Variants in FANK1 observed in about 807,000 individuals in gnomAD.
FANK1 encodes fibronectin type III and ankyrin repeat domains 1.
In FANK1, 44 loss-of-function variants were observed where a neutral mutation model predicts 45.3. The observed-to-expected ratio is 0.97, with a 90% CI of 0.76 to 1.25. The LOEUF is 1.25. FANK1 is among the 50% of genes most tolerant of loss of function. The pLI is 0.00. For missense variants in FANK1, 391 were observed against 424.4 expected, an observed-to-expected ratio of 0.92 and a Z score of 0.69; for synonymous variants, 149 against 152.5, an observed-to-expected ratio of 0.98 and a Z score of 0.17.
intron 3 of FANK1, chr10:125,989,510 T>A: frequency 1.2e-6 from 1 of 805,044 alleles, no homozygotes; most frequent in Non-Finnish European, 2.1e-6. Flanking sequence ...AAGTTTTGTG[T>A]AGACTAAAGT....
rs1354805410 is a variant in FANK1 at position 125,983,528 on chromosome 10, G to A, written c.191+3190G>A. ...AAAATTGAGGGCCTGGGGTAGAGGT[G>A]GGGAAGTCTTCACCAAGAAGGTAGC... On this transcript the variant is annotated intron_variant, in intron 2 of 10. Coordinates refer to ENST00000368693, the MANE Select transcript of FANK1 (RefSeq NM_145235.5). The surrounding 1 kb of genome is among the most constrained non-coding windows in gnomAD (Gnocchi z 4.3). 6.6e-6 allele frequency among the ~76,000 whole-genome samples: 1 copy of A among 152,168 alleles called. No homozygotes were observed. Among genetic ancestry groups the A allele is most frequent in the African/African-American group, 2.4e-5 (1 of 41,444 alleles).
At chr10:125,935,215 C>A (rs976063984) in intron 1 of FANK1, among the ~76,000 whole-genome samples, 8 of 152,190 alleles carry the variant, frequency 5.3e-5, no homozygotes, top group Non-Finnish European at 1.2e-4. Flanking sequence ...TTCTTCGTGG[C>A]ATCGACAGCA....
chr10:125,962,095 G>A (rs924722936), intron 1 of FANK1, among the ~76,000 whole-genome samples: 5 of 152,164 alleles, frequency 3.3e-5, no homozygotes, highest in Non-Finnish European at 7.4e-5. Context: ...TCATCTGATG[G>A]GATTAATATC....
At chr10:125,898,391 G>A (rs1006408869) in intron 1 of FANK1, among the ~76,000 whole-genome samples, 29 of 152,000 alleles carry the variant, frequency 1.9e-4, no homozygotes, top group Non-Finnish European at 3.7e-4. Flanking sequence ...CTAAGCAGAG[G>A]CTTGCTCAAG....
At chr10:125,979,755 C>G (rs1464582510) in intron 1 of FANK1, 3 of 452,478 alleles carry the variant, frequency 6.6e-6, no homozygotes, top group Non-Finnish European at 1.3e-5. Context: ...TAGGTGTCAA[C>G]CCTTTGTCAT....
chr10:126,008,953 G>C (rs1275565269), intron 8 of FANK1, 101 bp from the exon 9 acceptor site: 1 of 1,103,790 alleles, frequency 9.1e-7, no homozygotes, highest in Admixed American at 2.2e-5. Context: ...TGGGGTTGCA[G>C]GGGGGCTGCT....
At chr10:125,922,995 T>G (rs563506111) in intron 1 of FANK1, among the ~76,000 whole-genome samples, 1 of 152,176 alleles carries the variant, frequency 6.6e-6, no homozygotes, top group African/African-American at 2.4e-5. Context: ...GTTTTTTTTG[T>G]TTGGTTGGTT....
intron 1 of FANK1, among the ~76,000 whole-genome samples, chr10:125,931,955 GA>G (rs1947780987): frequency 6.6e-6 from 1 of 152,102 alleles, no homozygotes; most frequent in South Asian, 2.1e-4. Flanking sequence ...ACCATTTGTT[GA>G]AAAGGGTGTC....
chr10:125,919,223 T>G (rs1466359552), intron 1 of FANK1, among the ~76,000 whole-genome samples: 9 of 133,274 alleles, frequency 6.8e-5, no homozygotes, highest in African/African-American at 2.4e-4. Flanking sequence ...TTTTTTTTTT[T>G]GTGACAGAGT....
At chr10:125,920,944 A>G (rs1401542502) in intron 1 of FANK1, among the ~76,000 whole-genome samples, 7 of 152,188 alleles carry the variant, frequency 4.6e-5, no homozygotes, top group African/African-American at 1.7e-4. Flanking sequence ...TGGCCTTCTA[A>G]TGATTTCACT....
chr10:125,985,268 T>C (rs1433185932), intron 2 of FANK1, among the ~76,000 whole-genome samples: 1 of 152,252 alleles, frequency 6.6e-6, no homozygotes, highest in Non-Finnish European at 1.5e-5. Flanking sequence ...TTGGCTATTA[T>C]ATTCTCACTG....
chr10:125,975,343 T>G (rs1564932355), intron 1 of FANK1, among the ~76,000 whole-genome samples: 1 of 152,226 alleles, frequency 6.6e-6, no homozygotes, highest in African/African-American at 2.4e-5. Context: ...ATGGTTTATA[T>G]TCCTCTGGGT....
chr10:126,007,233 C>T (rs1407627416), intron 7 of FANK1: 2 of 152,138 alleles, frequency 1.3e-5, no homozygotes, highest in African/African-American at 4.8e-5. Flanking sequence ...CTGACTTATT[C>T]ATTTGTGCAT....
At chr10:125,960,095 A>G (rs957144314) in intron 1 of FANK1, 16 of 159,430 alleles carry the variant, frequency 1.0e-4, no homozygotes, top group Non-Finnish European at 2.1e-4. Context: ...TGAAATAACT[A>G]TATGTCACTT....
chr10:125,935,301 A>G (rs1039071188), intron 1 of FANK1, among the ~76,000 whole-genome samples: 4 of 152,234 alleles, frequency 2.6e-5, no homozygotes, highest in African/African-American at 9.6e-5. Context: ...CAGGGGCCGC[A>G]TCTGAGCTCA....
At chr10:125,975,316 T>C (rs998250404) in intron 1 of FANK1, among the ~76,000 whole-genome samples, 1 of 152,214 alleles carries the variant, frequency 6.6e-6, no homozygotes, top group Non-Finnish European at 1.5e-5. Flanking sequence ...TTCACATGCA[T>C]GTGTGTTTAT....
chr10:125,951,333 T>C (rs564014155), intron 1 of FANK1, among the ~76,000 whole-genome samples: 2 of 152,328 alleles, frequency 1.3e-5, no homozygotes, highest in South Asian at 4.1e-4. Flanking sequence ...TTATAATACC[T>C]GTTTAGGAAA....
In FANK1 at chr10:125,997,440, C is replaced by T; in HGVS notation, c.494C>T (p.Ser165Phe). The change falls in exon 6 of 11, where the codon TCT becomes TTT. Residue 165 changes from serine to phenylalanine, a missense_variant. Transcript: ENST00000368693. ...GYTRLVKILV[S>F]NGTDVNLKNG... ...TTTAGGCTTGTGAAAATCCTAGTTTCTAATGGCACAGACGTGAATCTGAAG... is the reference window on the plus strand; with the variant it reads ...TTTAGGCTTGTGAAAATCCTAGTTTTTAATGGCACAGACGTGAATCTGAAG... 6.2e-7 allele frequency: 1 copy of T among 1,613,840 alleles called. No individual in the cohort carries two copies. The highest frequency in any genetic ancestry group is 8.5e-7 in the Non-Finnish European group (1 of 1,179,920).
At position 125,997,345 on chromosome 10, in the gene FANK1, A is replaced by AT. The variant is rs1952411497; in HGVS notation, c.474-70dup. The AT allele has an allele frequency of 2.4e-6, 3 of 1,227,220 alleles. No individual in the cohort carries two copies. In the South Asian group the frequency reaches 4.2e-5, roughly 17 times the overall value. 76.0% of individuals were successfully genotyped at this position (1,227,220 alleles called of 1,614,324 possible). A position where few individuals can be genotyped will look rare whatever the true frequency, so the allele number is the denominator to read the frequency against. On this transcript the variant is annotated intron_variant, in intron 5 of 10. Transcript: ENST00000368693. Reference sequence around the variant, plus strand: ...ATACATCTTGGATGCTGTGTTACTCATTTTTACTGGACTATTGTGGGTTCT... The same window carrying AT: ...ATACATCTTGGATGCTGTGTTACTCATTTTTTACTGGACTATTGTGGGTTCT...
Sources: allele counts gnomAD v4.1 joint callset (sites outside exome capture counted in the v4.1 genomes callset), GRCh38; gene constraint gnomAD v4.1.1; non-coding constraint Gnocchi (gnomAD v3.1); transcripts MANE v1.5; gene names NCBI Gene and HGNC (gene_info 2026-07-23, HGNC 2026-07-21).